The following COL14A1 variants were observed in gnomAD, a reference collection of about 807,000 sequenced individuals.
The protein encoded by COL14A1 is collagen alpha-1(XIV) chain.
Under a neutral mutation model 230.3 loss-of-function variants are expected in COL14A1, and 136 were observed. The ratio of observed to expected loss-of-function variants is 0.59; its 90% CI spans 0.51 to 0.68. The LOEUF is 0.68. COL14A1 is among the 30% of genes least tolerant of loss of function. The pLI is 0.00. For missense variants in COL14A1, 1,976 were observed against 2,215.8 expected (o/e 0.89, Z 2.17); for synonymous variants, 792 against 784.1 (o/e 1.01, Z -0.17).
intron 36 of COL14A1, among the ~76,000 whole-genome samples, chr8:120,303,232 T>A (rs1255835815): frequency 2.0e-5 from 3 of 152,160 alleles, no homozygotes; most frequent in Admixed American, 2.0e-4. Flanking sequence ...CCTTTATTTC[T>A]TTCTCTTGCC....
At chr8:120,357,426 G>A (rs927710124) in intron 45 of COL14A1, among the ~76,000 whole-genome samples, 3 of 152,120 alleles carry the variant, frequency 2.0e-5, no homozygotes, top group Admixed American at 6.5e-5. Flanking sequence ...ATCCAAGAGA[G>A]AGAGCAGAGG....
At chr8:120,179,275 T>G (rs1420843038) in intron 5 of COL14A1, among the ~76,000 whole-genome samples, 2 of 152,316 alleles carry the variant, frequency 1.3e-5, no homozygotes, top group South Asian at 4.1e-4. Flanking sequence ...GACATGATTA[T>G]TTATTTGGAA....
chr8:120,298,706 T>A (rs1432942152), intron 35 of COL14A1, among the ~76,000 whole-genome samples: 1 of 144,390 alleles, frequency 6.9e-6, no homozygotes, highest in East Asian at 2.1e-4. Context: ...CATGTCATGG[T>A]TGGGCAGTAG....
chr8:120,179,356 T>C (rs1816389284), intron 5 of COL14A1, among the ~76,000 whole-genome samples: 1 of 152,164 alleles, frequency 6.6e-6, no homozygotes, highest in African/African-American at 2.4e-5. Flanking sequence ...AGATACAAAA[T>C]TAATGTGCAA....
At chr8:120,242,600 T>A (rs1040904696) in intron 19 of COL14A1, among the ~76,000 whole-genome samples, 2 of 152,178 alleles carry the variant, frequency 1.3e-5, no homozygotes, top group African/African-American at 4.8e-5. Flanking sequence ...CTCTTACACG[T>A]TCTTAGTGCT....
intron 36 of COL14A1, among the ~76,000 whole-genome samples, chr8:120,303,704 G>A (rs560108944): frequency 6.6e-6 from 1 of 152,180 alleles, no homozygotes; most frequent in East Asian, 1.9e-4. Context: ...TTTCTTTTCT[G>A]TTGTTGTGTC....
chr8:120,349,415 G>A (rs1338278453), intron 45 of COL14A1, among the ~76,000 whole-genome samples: 1 of 149,044 alleles, frequency 6.7e-6, no homozygotes, highest in East Asian at 2.0e-4. Context: ...AGAGAAGAAG[G>A]CTTCAGACGA....
At chr8:120,366,095 T>C (rs1823398804) in intron 45 of COL14A1, among the ~76,000 whole-genome samples, 1 of 152,260 alleles carries the variant, frequency 6.6e-6, no homozygotes, top group South Asian at 2.1e-4. Context: ...ATCAACACTT[T>C]TCTTTCTGGA....
intron 15 of COL14A1, among the ~76,000 whole-genome samples, chr8:120,226,405 G>T (rs1818095413): frequency 6.6e-6 from 1 of 152,122 alleles, no homozygotes; most frequent in African/African-American, 2.4e-5. Flanking sequence ...AAAGTTTTAA[G>T]ATCTGTTATT....
intron 45 of COL14A1, among the ~76,000 whole-genome samples, chr8:120,357,414 T>G (rs1031577): frequency 2.0e-5 from 3 of 152,100 alleles, no homozygotes; most frequent in Non-Finnish European, 2.9e-5. Flanking sequence ...TCAGAGCCAC[T>G]GATCCAAGAG....
intron 1 of COL14A1, among the ~76,000 whole-genome samples, chr8:120,147,227 C>T (rs1815126075): frequency 6.6e-6 from 1 of 151,628 alleles, no homozygotes; most frequent in African/African-American, 2.4e-5. Context: ...TGAAAATGAA[C>T]AATTTGGAAG....
At chr8:120,208,809 A>G (rs1283471094) in intron 11 of COL14A1, among the ~76,000 whole-genome samples, 1 of 152,128 alleles carries the variant, frequency 6.6e-6, no homozygotes, top group Non-Finnish European at 1.5e-5. Flanking sequence ...AATACTAATA[A>G]TTCCCTCCCT....
chr8:120,168,302 A>AG lies in COL14A1; in HGVS notation c.436+57dup. On this transcript the variant is annotated intron_variant, in intron 5 of 47. Transcript: ENST00000297848. ...GGGAGTTGGGTTGTTTTAATTACAC[A>AG]GGCAATACTCACATGTGGGGTTGCT... The AG allele has an allele frequency of 2.4e-6, 3 of 1,267,408 alleles. No individual in the cohort carries two copies. In the Admixed American group the frequency reaches 5.5e-5, roughly 23 times the overall value. The allele number at this position is 1,267,408 out of a possible 1,614,324, so 78.5% of individuals were successfully genotyped here. A position where few individuals can be genotyped will look rare whatever the true frequency, so the allele number is the denominator to read the frequency against.
chr8:120,357,385 C>G (rs567507200), intron 45 of COL14A1, among the ~76,000 whole-genome samples: 1 of 152,058 alleles, frequency 6.6e-6, no homozygotes, highest in Non-Finnish European at 1.5e-5. Flanking sequence ...TCATTTTCAA[C>G]GCATAGAGGC....
chr8:120,330,963 G>T (rs1236570154), intron 40 of COL14A1, among the ~76,000 whole-genome samples: 2 of 152,118 alleles, frequency 1.3e-5, no homozygotes, highest in Non-Finnish European at 2.9e-5. Context: ...AAATTAGCCA[G>T]TCGTGGTGGT....
intron 5 of COL14A1, among the ~76,000 whole-genome samples, chr8:120,193,375 G>A (rs549983815): frequency 9.4e-4 from 143 of 152,268 alleles, no homozygotes; most frequent in Non-Finnish European, 1.8e-3. Flanking sequence ...TTCGTGATCC[G>A]CGAATGCTGC....
At chr8:120,294,985 A>T (rs934402923) in intron 34 of COL14A1, among the ~76,000 whole-genome samples, 1 of 151,862 alleles carries the variant, frequency 6.6e-6, no homozygotes, top group Non-Finnish European at 1.5e-5. Flanking sequence ...TAATGTAGAC[A>T]TTAGACTGTT....
chr8:120,345,794 A>T (rs1028876511), intron 45 of COL14A1, among the ~76,000 whole-genome samples: 7 of 152,256 alleles, frequency 4.6e-5, no homozygotes, highest in African/African-American at 1.7e-4. Context: ...GAAGGTTAGA[A>T]CCCCCAAATC....
chr8:120,218,566 T>C (rs965521038), intron 14 of COL14A1, among the ~76,000 whole-genome samples: 1 of 152,128 alleles, frequency 6.6e-6, no homozygotes, highest in Non-Finnish European at 1.5e-5. Flanking sequence ...CGCCTAGGCC[T>C]CCCAAAGTGC....
Sources: allele counts gnomAD v4.1 joint callset (sites outside exome capture counted in the v4.1 genomes callset), GRCh38; gene constraint gnomAD v4.1.1; transcripts MANE v1.5; gene names NCBI Gene and HGNC (gene_info 2026-07-23, HGNC 2026-07-21).